TBC1D5: variants seen among roughly 807,000 people sequenced by gnomAD.
TBC1D5 encodes the protein TBC1 domain family member 5.
Under a neutral mutation model 100.3 loss-of-function variants are expected in TBC1D5, and 75 were observed. The ratio of observed to expected loss-of-function variants is 0.75; its 90% CI spans 0.62 to 0.91. The LOEUF is 0.91. TBC1D5 is among the 40% of genes least tolerant of loss of function. The pLI is 0.00. For synonymous variants in TBC1D5, 323 were observed against 325.6 expected (o/e 0.99, Z 0.09); for missense variants, 910 against 942.4 (o/e 0.97, Z 0.45).
chr3:17,522,232 C>T (rs1298903469), intron 2 of TBC1D5, among the ~76,000 whole-genome samples: 1 of 152,044 alleles, frequency 6.6e-6, no homozygotes, highest in Non-Finnish European at 1.5e-5. Context: ...GTAATGGTTC[C>T]ATTTTTTTCA....
At chr3:17,312,647 C>T (rs538435190) in intron 13 of TBC1D5, among the ~76,000 whole-genome samples, 1 of 152,274 alleles carries the variant, frequency 6.6e-6, no homozygotes, top group East Asian at 1.9e-4. Context: ...AAAATTCTCT[C>T]TTCCTTTCAG....
intron 1 of TBC1D5, among the ~76,000 whole-genome samples, chr3:17,651,567 C>T (rs1292167224): frequency 1.3e-5 from 2 of 152,040 alleles, no homozygotes; most frequent in Admixed American, 6.5e-5. Flanking sequence ...AAAACTTCGT[C>T]GGGCATGCGC....
At chr3:17,169,595 C>T (rs2066968339) in intron 19 of TBC1D5, among the ~76,000 whole-genome samples, 1 of 152,078 alleles carries the variant, frequency 6.6e-6, no homozygotes, top group African/African-American at 2.4e-5. Flanking sequence ...AACAAGAAAG[C>T]AAGTTGAATG....
intron 13 of TBC1D5, among the ~76,000 whole-genome samples, chr3:17,335,866 C>T (rs1019582669): frequency 3.9e-5 from 6 of 152,100 alleles, no homozygotes; most frequent in Non-Finnish European, 5.9e-5. Flanking sequence ...GCACAGTGAG[C>T]TGCTATGAGT....
chr3:17,570,336 C>T (rs1307879868), intron 2 of TBC1D5, among the ~76,000 whole-genome samples: 2 of 151,896 alleles, frequency 1.3e-5, no homozygotes, highest in East Asian at 3.9e-4. Flanking sequence ...ACACTCAAAA[C>T]AATTTACAAA....
chr3:17,268,989 A>G (rs1407576791), intron 15 of TBC1D5, among the ~76,000 whole-genome samples: 1 of 152,164 alleles, frequency 6.6e-6, no homozygotes, highest in Non-Finnish European at 1.5e-5. Flanking sequence ...GGCAGCTACC[A>G]TCAGGACCTA....
At chr3:17,277,420 A>C (rs2080136723) in intron 15 of TBC1D5, among the ~76,000 whole-genome samples, 1 of 152,142 alleles carries the variant, frequency 6.6e-6, no homozygotes, top group South Asian at 2.1e-4. Flanking sequence ...TCAAAGGTCA[A>C]CTTCATTATA....
At chr3:17,229,953 A>G (rs2075272953) in intron 17 of TBC1D5, among the ~76,000 whole-genome samples, 1 of 152,218 alleles carries the variant, frequency 6.6e-6, no homozygotes, top group Non-Finnish European at 1.5e-5. Context: ...TTTGGAATAG[A>G]TGTTCCACAA....
intron 2 of TBC1D5, among the ~76,000 whole-genome samples, chr3:17,608,263 G>GA (rs2061461141): frequency 1.3e-5 from 2 of 151,576 alleles, no homozygotes; most frequent in African/African-American, 4.8e-5. Context: ...TCTCAAAAAC[G>GA]AAAACAAAAA....
chr3:17,162,389 C>CTGAT (rs1329319531), intron 21 of TBC1D5, among the ~76,000 whole-genome samples: 1 of 152,264 alleles, frequency 6.6e-6, no homozygotes, highest in African/African-American at 2.4e-5. Flanking sequence ...TGAGCCCTGT[C>CTGAT]TGATAGGCCC....
intron 2 of TBC1D5, among the ~76,000 whole-genome samples, chr3:17,561,427 T>C (rs1002491604): frequency 1.3e-5 from 2 of 152,274 alleles, no homozygotes; most frequent in South Asian, 4.1e-4. Context: ...CCAGCACTTA[T>C]CTTAAGAAGA....
At chr3:17,721,915 G>C (rs1008894574) in intron 1 of TBC1D5, among the ~76,000 whole-genome samples, 2 of 151,940 alleles carry the variant, frequency 1.3e-5, no homozygotes, top group African/African-American at 4.8e-5. Flanking sequence ...CCAGGAGGCA[G>C]AGATTGCAGT....
chr3:17,660,715 T>A (rs372640080), intron 1 of TBC1D5, among the ~76,000 whole-genome samples: 38 of 152,328 alleles, frequency 2.5e-4, no homozygotes, highest in East Asian at 1.4e-3. Flanking sequence ...GCTCATATAG[T>A]GCTTGGAGAT....
intron 2 of TBC1D5, among the ~76,000 whole-genome samples, chr3:17,579,568 T>G (rs2096679907): frequency 6.6e-6 from 1 of 152,150 alleles, no homozygotes; most frequent in African/African-American, 2.4e-5. Flanking sequence ...TTGTATTTCC[T>G]ACACTTCACT....
chr3:17,413,980 T>C (rs780280963), intron 4 of TBC1D5, among the ~76,000 whole-genome samples: 2 of 152,176 alleles, frequency 1.3e-5, no homozygotes, highest in Non-Finnish European at 1.5e-5. Context: ...ATTCTCACCT[T>C]GGGGAAAGCC....
chr3:17,299,808 G>C (rs1462920002), intron 14 of TBC1D5, among the ~76,000 whole-genome samples: 1 of 136,584 alleles, frequency 7.3e-6, no homozygotes, highest in Non-Finnish European at 1.5e-5. Context: ...GCAGTGAGCC[G>C]AGATTGTGCC....
chr3:17,355,045 T>G (rs17272985), intron 13 of TBC1D5, among the ~76,000 whole-genome samples: 3,564 of 152,244 alleles, frequency 0.023, 106 homozygotes, highest in Middle Eastern at 0.031. Flanking sequence ...TCTGGCCAAC[T>G]GGACTGTAGT....
chr3:17,454,828 T>A (rs2095019824), intron 3 of TBC1D5, among the ~76,000 whole-genome samples: 1 of 151,972 alleles, frequency 6.6e-6, no homozygotes, highest in Non-Finnish European at 1.5e-5. Flanking sequence ...AGTAATCCCA[T>A]TTACAATAGC....
chr3:17,623,436 C>T (rs1406529463), intron 2 of TBC1D5, among the ~76,000 whole-genome samples: 1 of 152,164 alleles, frequency 6.6e-6, no homozygotes, highest in African/African-American at 2.4e-5. Context: ...AACACAGAAA[C>T]TGTACACAAA....
Sources: allele counts gnomAD v4.1 joint callset (sites outside exome capture counted in the v4.1 genomes callset), GRCh38; gene constraint gnomAD v4.1.1; transcripts MANE v1.5; gene names NCBI Gene and HGNC (gene_info 2026-07-23, HGNC 2026-07-21).